Variants in ADGRV1 observed in about 807,000 individuals in gnomAD.
The protein encoded by ADGRV1 is G-protein coupled receptor 98.
A neutral mutation model predicts 596.2 loss-of-function variants in ADGRV1; 359 were observed. That is an observed-to-expected ratio of 0.60 (90% CI 0.55 to 0.66). ADGRV1 has a LOEUF of 0.66. ADGRV1 is among the 30% of genes least tolerant of loss of function. The pLI is 0.00. For missense variants in ADGRV1, 7,274 were observed against 7,575.6 expected, an observed-to-expected ratio of 0.96 and a Z score of 1.48; for synonymous variants, 2,681 against 2,679.2, an observed-to-expected ratio of 1.00 and a Z score of -0.02.
At position 90,810,697 on chromosome 5, in the gene ADGRV1, T is replaced by C; in HGVS notation, c.15437T>C (p.Val5146Ala). Residue 5146 changes from valine (V) to alanine (A), a missense_variant, in exon 74 of 90, where the codon GTT (valine) becomes GCT (alanine). Physicochemically the swap from Val to Ala is moderately conservative, Grantham distance 64. Around this residue, in one of 5 missense-constraint regions of ADGRV1, gnomAD observed 1,874 missense variants for 1,970.2 expected, o/e 0.95. Coordinates refer to ENST00000405460, the MANE Select transcript of ADGRV1 (RefSeq NM_032119.4). ...CCCGAGACAACTGTGGCTGTAGCAG[T>C]TGACACAACTCTCATTCCTGTAGAA... ...SFPETTVAVA[V>A]DTTLIPVETE... 2 of 1,613,804 alleles carry C rather than the reference T, an allele frequency of 1.2e-6. No individual in the cohort carries two copies. Among genetic ancestry groups the C allele is most frequent in the Non-Finnish European group, 1.7e-6 (2 of 1,179,834 alleles).
At chr5:90,859,149 G>A (rs1048032009) in intron 82 of ADGRV1, among the ~76,000 whole-genome samples, 4 of 152,084 alleles carry the variant, frequency 2.6e-5, no homozygotes, top group African/African-American at 9.7e-5. Context: ...GTGGGAGTGA[G>A]GCAAGTGGGC....
chr5:90,914,800 C>T lies in ADGRV1; in HGVS notation c.17857-50615C>T, dbSNP rs372384855. Among the ~76,000 whole-genome samples, 24 of 152,178 alleles carry T rather than the reference C, an allele frequency of 1.6e-4. No homozygotes were observed. The East Asian group carries it at 2.7e-3, about 17-fold the overall frequency. On this transcript the variant is annotated intron_variant, in intron 83 of 89. Coordinates refer to ENST00000405460, the MANE Select transcript of ADGRV1 (RefSeq NM_032119.4). ...ACAGAAACAAAAACAACCTGTTTTT[C>T]AACATTCCTTTTCTAATAAGCAGTT...
chr5:91,048,163 C>T (rs1785994526), intron 85 of ADGRV1, among the ~76,000 whole-genome samples: 1 of 152,166 alleles, frequency 6.6e-6, no homozygotes. Flanking sequence ...AAAATACTGG[C>T]ACATTTATTT....
intron 83 of ADGRV1, among the ~76,000 whole-genome samples, chr5:90,916,630 A>ATT (rs1189256227): frequency 1.6e-4 from 10 of 62,336 alleles, no homozygotes; most frequent in African/African-American, 4.7e-4. Flanking sequence ...AGCGTTCACA[A>ATT]ATTTTTTTTT....
chr5:90,927,720 C>T (rs1213938040), intron 83 of ADGRV1, among the ~76,000 whole-genome samples: 1 of 151,792 alleles, frequency 6.6e-6, no homozygotes, highest in African/African-American at 2.4e-5. Context: ...CAGTTTCTTC[C>T]TAGTCTTGAT....
At chr5:90,779,222 G>A in intron 64 of ADGRV1, 125 bp downstream of exon 64, 1 of 577,318 alleles carries the variant, frequency 1.7e-6, no homozygotes, top group Non-Finnish European at 3.1e-6. Flanking sequence ...TCAGATTTGT[G>A]TGACATTAGA....
At position 90,810,927 on chromosome 5, in the gene ADGRV1, G is replaced by A. The variant is rs727505301; in HGVS notation, c.15667G>A (p.Gly5223Arg). ...TTCCATTCATGGAACATTCAGCCTT[G>A]GGCCATCCATTGTTTATATTGAAGA... ...NVSIHGTFSL[G>R]PSIVYIEEEM... The change falls in exon 74 of 90, where the codon GGG (glycine) becomes AGG (arginine). Residue 5223 changes from glycine to arginine, a missense_variant. Gly to Arg is a moderately radical substitution (Grantham distance 125). This residue lies in a region of ADGRV1 where 1,874 missense variants were observed against 1,970.2 expected (regional missense o/e 0.95). Coordinates refer to ENST00000405460, the MANE Select transcript of ADGRV1 (RefSeq NM_032119.4). 6 of 1,613,810 alleles carry A rather than the reference G, an allele frequency of 3.7e-6. No individual in the cohort carries two copies. In the African/African-American group the frequency reaches 4.0e-5, roughly 11 times the overall value.
intron 84 of ADGRV1, among the ~76,000 whole-genome samples, chr5:90,979,893 T>C (rs984641093): frequency 6.6e-6 from 1 of 152,226 alleles, no homozygotes; most frequent in African/African-American, 2.4e-5. Context: ...TCATGTCCTT[T>C]TGAATTTTGT....
Position 90,558,892 on chromosome 5 carries a change from G to A in ADGRV1, c.-4G>A. 3 of 1,559,734 alleles carry A rather than the reference G, an allele frequency of 1.9e-6. No homozygotes were observed. Among genetic ancestry groups the A allele is most frequent in the South Asian group, 1.2e-5 (1 of 84,934 alleles). On this transcript the variant is annotated 5_prime_UTR_variant, in exon 1 of 90. Coordinates refer to ENST00000405460, the MANE Select transcript of ADGRV1 (RefSeq NM_032119.4). ...GGCCGGCGGGGACCGCCGGGAGCGC[G>A]CGGATGTCGGTGTTCCTGGGGCCAG...
intron 86 of ADGRV1, among the ~76,000 whole-genome samples, chr5:91,079,018 CATGAT>C (rs531514535): frequency 6.6e-6 from 1 of 152,072 alleles, no homozygotes; most frequent in Non-Finnish European, 1.5e-5. Flanking sequence ...AATGGGAAAA[CATGAT>C]ATGATTTTTT....
intron 83 of ADGRV1, among the ~76,000 whole-genome samples, chr5:90,903,241 T>G (rs1220636211): frequency 1.3e-5 from 2 of 152,088 alleles, no homozygotes; most frequent in African/African-American, 4.8e-5. Context: ...TCTTTGTTCT[T>G]TTTAATAACA....
intron 82 of ADGRV1, among the ~76,000 whole-genome samples, chr5:90,859,177 A>G (rs1767310442): frequency 6.6e-6 from 1 of 152,040 alleles, no homozygotes; most frequent in Non-Finnish European, 1.5e-5. Flanking sequence ...TTCCTACTAT[A>G]TTGCTCAGGC....
intron 87 of ADGRV1, among the ~76,000 whole-genome samples, chr5:91,148,237 G>A (rs929442730): frequency 4.6e-5 from 7 of 152,202 alleles, no homozygotes; most frequent in Non-Finnish European, 1.0e-4. Context: ...GTAATGAGGA[G>A]CCAAATGTTA....
intron 76 of ADGRV1, 27 bp from the exon 77 acceptor site, chr5:90,828,916 GT>G (rs753522700): frequency 9.9e-5 from 142 of 1,440,466 alleles, no homozygotes; most frequent in East Asian, 7.5e-4. Context: ...AGTAATAGTT[GT>G]TTTTTTTTCC....
At position 90,863,803 on chromosome 5, in the gene ADGRV1, C is replaced by T; in HGVS notation, c.17802C>T (p.Ser5934=). The stretch of plus-strand genomic sequence containing the variant: ...CCCATATCTTCTGTGCCAGGTACTC[C>T]ATGTTTGCAGCTAAACTTCTGACTC... ...VLSHIFCARY[S]MFAAKLLTHM... The change falls in exon 83 of 90, where the codon TCC becomes TCT. Residue 5934 remains serine, a synonymous_variant. Transcript: ENST00000405460. 1 of 1,613,512 alleles carries T rather than the reference C, an allele frequency of 6.2e-7. No homozygotes were observed. The highest frequency in any genetic ancestry group is 8.5e-7 in the Non-Finnish European group (1 of 1,179,574).
At chr5:90,748,831 T>TTTTTTA (rs1183649540) in intron 52 of ADGRV1, among the ~76,000 whole-genome samples, 1 of 151,704 alleles carries the variant, frequency 6.6e-6, no homozygotes, top group Non-Finnish European at 1.5e-5. Flanking sequence ...TTGTTTTTTT[T>TTTTTTA]TTAACTAGAA....
chr5:90,688,004 C>G (rs1431716098), intron 29 of ADGRV1, among the ~76,000 whole-genome samples: 1 of 152,084 alleles, frequency 6.6e-6, no homozygotes, highest in African/African-American at 2.4e-5. Flanking sequence ...AATGCCATCC[C>G]CATCAAGCTA....
At chr5:91,158,429 G>A (rs1320928632) in intron 89 of ADGRV1, among the ~76,000 whole-genome samples, 1 of 152,104 alleles carries the variant, frequency 6.6e-6, no homozygotes, top group Non-Finnish European at 1.5e-5. Context: ...CCTACAAGGT[G>A]GAAAAAAGTT....
chr5:90,947,330 G>GT (rs1776663522), intron 83 of ADGRV1, among the ~76,000 whole-genome samples: 1 of 64,964 alleles, frequency 1.5e-5, no homozygotes, highest in African/African-American at 1.3e-4. Context: ...CTTTTTAATG[G>GT]GGTTTTTTTT....
Sources: allele counts gnomAD v4.1 joint callset (sites outside exome capture counted in the v4.1 genomes callset), GRCh38; gene constraint gnomAD v4.1.1; regional missense constraint gnomAD v4.1.1; transcripts MANE v1.5; gene names NCBI Gene and HGNC (gene_info 2026-07-23, HGNC 2026-07-21).